PRKN: variants seen among roughly 807,000 people sequenced by gnomAD.
PRKN encodes the protein E3 ubiquitin-protein ligase parkin.
PRKN carries 56 observed loss-of-function variants against 59.5 expected under a neutral mutation model. The ratio of observed to expected loss-of-function variants is 0.94; its 90% confidence interval spans 0.76 to 1.18. PRKN has a LOEUF of 1.18. Ranked by LOEUF, PRKN falls within the 50% of genes most tolerant of loss-of-function variation. The pLI, the probability that PRKN is intolerant of heterozygous loss-of-function variation, is 0.00. For missense variants in PRKN, 657 were observed against 596.4 expected (o/e 1.10, Z -1.06); for synonymous variants, 250 against 222.1 (o/e 1.13, Z -1.12).
chr6:161,984,255 TTTTA>T (rs1033060690), intron 5 of PRKN, among the ~76,000 whole-genome samples: 11 of 152,108 alleles, frequency 7.2e-5, no homozygotes, highest in African/African-American at 1.7e-4. Flanking sequence ...ACTTATTAAT[TTTTA>T]TTTATTTATT....
intron 1 of PRKN, among the ~76,000 whole-genome samples, chr6:162,584,253 A>C (rs1030377578): frequency 6.6e-5 from 10 of 151,634 alleles, no homozygotes; most frequent in East Asian, 3.9e-4. Flanking sequence ...AAACAAAAAA[A>C]AAAAAAACAC....
At chr6:161,716,260 T>C (rs1027348401) in intron 7 of PRKN, 1 of 473,358 alleles carries the variant, frequency 2.1e-6, no homozygotes, top group Non-Finnish European at 4.0e-6. Context: ...TGATAAAGAA[T>C]TCAGAAATGA....
At chr6:162,570,663 T>G (rs1022780528) in intron 1 of PRKN, among the ~76,000 whole-genome samples, 5 of 152,168 alleles carry the variant, frequency 3.3e-5, no homozygotes, top group African/African-American at 1.2e-4. Context: ...AGCCAGTCAT[T>G]TGCAACAACC....
At chr6:161,727,331 G>A (rs1787484948) in intron 7 of PRKN, among the ~76,000 whole-genome samples, 1 of 152,176 alleles carries the variant, frequency 6.6e-6, no homozygotes, top group African/African-American at 2.4e-5. Context: ...GGAGTGCTCA[G>A]AGCACACAGT....
In PRKN at chr6:161,440,737, C is replaced by T. The variant is rs556852957; in HGVS notation, c.1084-53860G>A. Among the ~76,000 whole-genome samples, 1 of 152,126 alleles carries T rather than the reference C, an allele frequency of 6.6e-6. No homozygotes were observed. Among genetic ancestry groups the T allele is most frequent in the Non-Finnish European group, 1.5e-5 (1 of 68,022 alleles). On this transcript the variant is annotated intron_variant, in intron 9 of 11. Coordinates refer to ENST00000366898, the MANE Select transcript of PRKN (RefSeq NM_004562.3). The surrounding 1 kb of genome is among the most constrained non-coding windows in gnomAD (Gnocchi z 4.1). ...CCAAACCCAAGAGATATTTCCAATG[C>T]CACCTGAAGGTCCTGAGAGCTCCCT...
At chr6:162,647,391 A>G (rs981430800) in intron 1 of PRKN, among the ~76,000 whole-genome samples, 4 of 152,112 alleles carry the variant, frequency 2.6e-5, no homozygotes, top group Non-Finnish European at 5.9e-5. Context: ...GCTATTTTAG[A>G]CTTAACAAAT....
At chr6:161,873,206 C>G (rs917550495) in intron 6 of PRKN, among the ~76,000 whole-genome samples, 1 of 151,986 alleles carries the variant, frequency 6.6e-6, no homozygotes, top group Non-Finnish European at 1.5e-5. Context: ...ACGCGTCAGT[C>G]TCAGGGACTC....
intron 4 of PRKN, among the ~76,000 whole-genome samples, chr6:162,121,443 G>T (rs1177507152): frequency 2.0e-5 from 3 of 152,136 alleles, no homozygotes; most frequent in Admixed American, 6.5e-5. Flanking sequence ...GACAGTACTT[G>T]ATGGGCCTCC....
intron 4 of PRKN, among the ~76,000 whole-genome samples, chr6:162,198,507 A>G (rs1452823771): frequency 6.6e-6 from 1 of 152,094 alleles, no homozygotes; most frequent in Non-Finnish European, 1.5e-5. Context: ...TAATAGAATA[A>G]CAATAAAGAA....
intron 7 of PRKN, among the ~76,000 whole-genome samples, chr6:161,777,748 GA>G: frequency 8.0e-6 from 1 of 124,638 alleles, no homozygotes; most frequent in East Asian, 2.5e-4. Flanking sequence ...TGTATATATA[GA>G]TATATATGTA....
At chr6:161,514,469 C>T (rs1778513103) in intron 9 of PRKN, among the ~76,000 whole-genome samples, 1 of 151,976 alleles carries the variant, frequency 6.6e-6, no homozygotes, top group African/African-American at 2.4e-5. Context: ...GTGAAGAAGG[C>T]AAGGTTTTAA....
At chr6:161,892,439 GGT>G (rs965857445) in intron 6 of PRKN, among the ~76,000 whole-genome samples, 2 of 151,960 alleles carry the variant, frequency 1.3e-5, no homozygotes, top group Non-Finnish European at 1.5e-5. Flanking sequence ...TGGGCATGGT[GGT>G]GTGTTTACTT....
chr6:161,474,999 G>A (rs1790996237), intron 9 of PRKN, among the ~76,000 whole-genome samples: 2 of 151,326 alleles, frequency 1.3e-5, no homozygotes, highest in African/African-American at 4.9e-5. Flanking sequence ...CCGCCTCCTG[G>A]GTTCAAGTGA....
In PRKN at chr6:161,463,948, TTTTTTG is replaced by T. The variant is rs758997138; in HGVS notation, c.1084-77077_1084-77072del. Reference sequence around the variant, plus strand: ...TCAACATACAGAGACCTTTAGGGTTTTTTTTGTTTTTGTTTTTGTTTTTGTTTTTTT... The same window carrying T: ...TCAACATACAGAGACCTTTAGGGTTTTTTTTGTTTTTGTTTTTGTTTTTTT... On this transcript the variant is annotated intron_variant, in intron 9 of 11. Transcript: ENST00000366898. The surrounding 1 kb of genome is among the most constrained non-coding windows in gnomAD (Gnocchi z 4.8). Among the ~76,000 whole-genome samples the T allele has an allele frequency of 5.9e-5, 9 of 152,252 alleles. No individual in the cohort carries two copies. The highest frequency in any genetic ancestry group is 1.9e-4 in the East Asian group (1 of 5,186).
intron 6 of PRKN, among the ~76,000 whole-genome samples, chr6:161,874,670 A>ATT (rs1206550123): frequency 6.8e-5 from 8 of 116,918 alleles, no homozygotes; most frequent in Non-Finnish European, 1.1e-4. Flanking sequence ...TAAAATATAT[A>ATT]ATATATAAAA....
intron 5 of PRKN, among the ~76,000 whole-genome samples, chr6:162,050,641 G>A (rs182021094): frequency 1.3e-3 from 193 of 152,262 alleles, no homozygotes; most frequent in Middle Eastern, 3.4e-3. Flanking sequence ...TCCCAAGCCT[G>A]AGGTTCCAAT....
chr6:161,750,496 G>A (rs1788643488), intron 7 of PRKN, among the ~76,000 whole-genome samples: 1 of 152,014 alleles, frequency 6.6e-6, no homozygotes, highest in African/African-American at 2.4e-5. Context: ...GGCCAGGTGT[G>A]GTGGCTCATA....
intron 3 of PRKN, among the ~76,000 whole-genome samples, chr6:162,224,458 A>AC (rs1461774725): frequency 1.1e-4 from 16 of 152,186 alleles, no homozygotes; most frequent in African/African-American, 3.9e-4. Flanking sequence ...TGATGTTCAC[A>AC]CAATGCCAAG....
intron 5 of PRKN, among the ~76,000 whole-genome samples, chr6:162,031,130 G>A (rs2849565): frequency 0.12 from 17,809 of 152,106 alleles, 1,186 homozygotes; most frequent in South Asian, 0.19. Context: ...CAGCTGAGAT[G>A]TCCAGCTCGG....
Sources: gnomAD v4.1 joint callset for allele counts (sites outside exome capture counted in the v4.1 genomes callset) on GRCh38, gnomAD v4.1.1 for gene constraint, Gnocchi (gnomAD v3.1) non-coding constraint, MANE v1.5 for transcripts, NCBI Gene and HGNC (gene_info 2026-07-23, HGNC 2026-07-21) for gene names.